The following CDK6 variants were observed in gnomAD, a reference collection of about 807,000 sequenced individuals.
CDK6 encodes cyclin dependent kinase 6, also known as cyclin-dependent kinase 6.
Under a neutral mutation model 37.1 loss-of-function variants are expected in CDK6, and 6 were observed. That is an observed-to-expected ratio of 0.16 (90% CI 0.09 to 0.32). The LOEUF (loss-of-function observed/expected upper bound fraction) is 0.32. Among genes scored for constraint, CDK6 ranks in the 10% least tolerant of loss-of-function variants. The pLI is 1.00. For missense variants in CDK6, 224 were observed against 418.9 expected (o/e 0.53, Z 4.06); for synonymous variants, 160 against 161.3 (o/e 0.99, Z 0.06).
intron 2 of CDK6, among the ~76,000 whole-genome samples, chr7:92,823,020 G>A (rs909868700): frequency 3.3e-5 from 5 of 149,426 alleles, no homozygotes; most frequent in African/African-American, 4.9e-5. Flanking sequence ...TGTCCTTTCA[G>A]ATACATAAAT....
At chr7:92,757,577 C>T (rs1452411857) in intron 3 of CDK6, among the ~76,000 whole-genome samples, 1 of 152,104 alleles carries the variant, frequency 6.6e-6, no homozygotes, top group Non-Finnish European at 1.5e-5. Flanking sequence ...ACGTTGATTC[C>T]ATGTCTTTGT....
intron 5 of CDK6, among the ~76,000 whole-genome samples, chr7:92,628,543 C>T (rs565002543): frequency 6.6e-6 from 1 of 152,088 alleles, no homozygotes; most frequent in South Asian, 2.1e-4. Flanking sequence ...GGTTATTGCT[C>T]CCCCCTGCAA....
intron 2 of CDK6, among the ~76,000 whole-genome samples, chr7:92,786,459 A>G (rs1800134603): frequency 6.6e-6 from 1 of 152,176 alleles, no homozygotes; most frequent in Non-Finnish European, 1.5e-5. Context: ...AAAGCAACAC[A>G]AATGAAAACC....
rs1795588174 is a variant in CDK6 at position 92,612,706 on chromosome 7, G to A, written c.*2434C>T. The A allele has an allele frequency of 8.6e-6, 2 of 233,006 alleles. No individual in the cohort carries two copies. The highest frequency in any genetic ancestry group is 1.7e-5 in the Non-Finnish European group (2 of 117,964). The allele number at this position is 233,006 out of a possible 1,614,324, so 14.4% of individuals were successfully genotyped here. A position where few individuals can be genotyped will look rare whatever the true frequency, so the allele number is the denominator to read the frequency against. On this transcript the variant is annotated 3_prime_UTR_variant, in exon 8 of 8. Coordinates refer to ENST00000424848, the MANE Select transcript of CDK6 (RefSeq NM_001145306.2). The stretch of plus-strand genomic sequence containing the variant: ...AGCAGATGCTAGGAATAAAAGTTGA[G>A]CTCTCTACTCATTTAAAATTCTAAA...
chr7:92,705,635 T>C (rs762534191), intron 4 of CDK6, among the ~76,000 whole-genome samples: 1 of 152,210 alleles, frequency 6.6e-6, no homozygotes, highest in Non-Finnish European at 1.5e-5. Flanking sequence ...AGCTCCTGAA[T>C]TATGTTTCTA....
intron 4 of CDK6, among the ~76,000 whole-genome samples, chr7:92,685,850 C>A (rs987308089): frequency 2.0e-5 from 3 of 152,166 alleles, no homozygotes; most frequent in Admixed American, 6.5e-5. Flanking sequence ...AAGCAGTTAT[C>A]TATTGTTCTG....
chr7:92,813,768 T>C (rs1800949850), intron 2 of CDK6, among the ~76,000 whole-genome samples: 1 of 152,202 alleles, frequency 6.6e-6, no homozygotes, highest in African/African-American at 2.4e-5. Flanking sequence ...GGGAGGAACA[T>C]GGGGGGAAAT....
chr7:92,680,573 T>C (rs1797313501), intron 4 of CDK6, among the ~76,000 whole-genome samples: 1 of 148,742 alleles, frequency 6.7e-6, no homozygotes. Flanking sequence ...CTGAGGTCAA[T>C]ACAAAGATGA....
chr7:92,826,913 A>T, intron 2 of CDK6, among the ~76,000 whole-genome samples: 1 of 152,166 alleles, frequency 6.6e-6, no homozygotes, highest in African/African-American at 2.4e-5. Context: ...ATGGATATAA[A>T]ATACACAATC....
intron 3 of CDK6, among the ~76,000 whole-genome samples, chr7:92,740,523 C>T (rs1312196333): frequency 3.9e-5 from 6 of 152,104 alleles, no homozygotes; most frequent in Non-Finnish European, 1.5e-5. Context: ...TGTCACCCTC[C>T]CTAGATTACA....
At chr7:92,729,751 T>A (rs1798599511) in intron 3 of CDK6, among the ~76,000 whole-genome samples, 1 of 152,192 alleles carries the variant, frequency 6.6e-6, no homozygotes, top group African/African-American at 2.4e-5. Flanking sequence ...TTCTTTTCTT[T>A]TTCTTTTCTT....
chr7:92,764,093 C>A (rs1307230827), intron 3 of CDK6, among the ~76,000 whole-genome samples: 10 of 150,896 alleles, frequency 6.6e-5, no homozygotes, highest in Non-Finnish European at 1.2e-4. Context: ...TTCCAGGCAT[C>A]CTAATTAATC....
intron 3 of CDK6, among the ~76,000 whole-genome samples, chr7:92,759,086 A>G (rs889348127): frequency 6.6e-6 from 1 of 152,124 alleles, no homozygotes; most frequent in African/African-American, 2.4e-5. Flanking sequence ...GGGAACTACA[A>G]ATTGTATTTT....
At position 92,710,091 on chromosome 7, in the gene CDK6, T is replaced by G. The variant is rs183910572; in HGVS notation, c.537+15535A>C. Among the ~76,000 whole-genome samples, 26 of 152,292 alleles carry G rather than the reference T, an allele frequency of 1.7e-4. No individual in the cohort carries two copies. In the East Asian group the frequency reaches 4.4e-3, roughly 26 times the overall value. ...CCTGCTGCCTTGGTGGGGGTGTATC[T>G]CTAGACTAATGAAGGGCCTGTACAT... On this transcript the variant is annotated intron_variant, in intron 4 of 7. Transcript: ENST00000424848.
intron 3 of CDK6, among the ~76,000 whole-genome samples, chr7:92,745,348 T>C (rs1023816559): frequency 3.9e-5 from 6 of 152,220 alleles, no homozygotes; most frequent in African/African-American, 1.2e-4. Flanking sequence ...TAGATGTCTG[T>C]GTTTTCCACA....
At chr7:92,814,532 AACCAGGAAAGC>A (rs1800973469) in intron 2 of CDK6, among the ~76,000 whole-genome samples, 1 of 150,866 alleles carries the variant, frequency 6.6e-6, no homozygotes, top group Non-Finnish European at 1.5e-5. Flanking sequence ...TTCTGCTCCC[AACCAGGAAAGC>A]AAACTGAATT....
chr7:92,679,848 G>A (rs1205286443), intron 4 of CDK6, among the ~76,000 whole-genome samples: 4 of 151,712 alleles, frequency 2.6e-5, no homozygotes, highest in Non-Finnish European at 5.9e-5. Context: ...AGCTTCCCCA[G>A]TAGTTGGGAT....
intron 2 of CDK6, among the ~76,000 whole-genome samples, chr7:92,799,619 G>A (rs538510954): frequency 3.3e-5 from 5 of 151,952 alleles, no homozygotes; most frequent in African/African-American, 7.2e-5. Flanking sequence ...AGGCAATTTT[G>A]AACCGCCTGT....
intron 3 of CDK6, among the ~76,000 whole-genome samples, chr7:92,738,301 G>A (rs902373840): frequency 1.3e-5 from 2 of 152,044 alleles, no homozygotes; most frequent in Non-Finnish European, 1.5e-5. Context: ...CTGGGTTAAC[G>A]ATCTAATGAC....
Sources: gnomAD v4.1 joint callset for allele counts (sites outside exome capture counted in the v4.1 genomes callset) on GRCh38, gnomAD v4.1.1 for gene constraint, MANE v1.5 for transcripts, NCBI Gene and HGNC (gene_info 2026-07-23, HGNC 2026-07-21) for gene names.